The following FGF2 variants were observed in gnomAD, a reference collection of about 807,000 sequenced individuals.
The protein encoded by FGF2 is fibroblast growth factor 2.
A neutral mutation model predicts 15.9 loss-of-function variants in FGF2; 13 were observed. The observed-to-expected ratio is 0.82, with a 90% CI of 0.53 to 1.30. FGF2 has a LOEUF of 1.30. Among genes scored for constraint, FGF2 ranks in the 50% most tolerant of loss-of-function variants. FGF2 has a pLI of 0.00. For missense variants in FGF2, 163 were observed against 196.9 expected (o/e 0.83, Z 1.03); for synonymous variants, 90 against 78.4 (o/e 1.15, Z -0.78).
intron 1 of FGF2, among the ~76,000 whole-genome samples, chr4:122,841,580 T>G (rs2150766309): frequency 6.6e-6 from 1 of 152,348 alleles, no homozygotes; most frequent in Non-Finnish European, 1.5e-5. Flanking sequence ...GGAATTATGC[T>G]TTTCCTCTAA....
At chr4:122,883,366 C>T (rs17006269) in intron 2 of FGF2, 1 of 152,146 alleles carries the variant, frequency 6.6e-6, no homozygotes, top group African/African-American at 2.4e-5. Flanking sequence ...TAATGGTATG[C>T]ATGTTTTCAG....
chr4:122,861,534 C>T (rs1282974790), intron 1 of FGF2, among the ~76,000 whole-genome samples: 1 of 152,010 alleles, frequency 6.6e-6, no homozygotes, highest in African/African-American at 2.4e-5. Flanking sequence ...CCTTCCTTCT[C>T]CTCATAGCCC....
chr4:122,834,430 A>G (rs1195387796), intron 1 of FGF2, among the ~76,000 whole-genome samples: 1 of 152,096 alleles, frequency 6.6e-6, no homozygotes, highest in African/African-American at 2.4e-5. Flanking sequence ...AACTCTTTTA[A>G]ATTCTAGATT....
At chr4:122,879,942 C>A (rs1264659370) in intron 2 of FGF2, among the ~76,000 whole-genome samples, 2 of 152,128 alleles carry the variant, frequency 1.3e-5, no homozygotes, top group Non-Finnish European at 2.9e-5. Context: ...ATCATTCCAC[C>A]CCTGGCCCCT....
chr4:122,891,094 G>A (rs1392705035), intron 2 of FGF2, among the ~76,000 whole-genome samples: 1 of 145,884 alleles, frequency 6.9e-6, no homozygotes, highest in Non-Finnish European at 1.5e-5. Flanking sequence ...AGGTTGGAGT[G>A]CAGTGGCGCG....
At position 122,876,320 on chromosome 4, in the gene FGF2, G is replaced by A. The variant is rs1267401555; in HGVS notation, c.179-1G>A. On this transcript the variant is annotated splice_acceptor_variant, in intron 1 of 2. Transcript: ENST00000644866. LOFTEE classifies it high-confidence loss of function. Reference sequence around the variant, plus strand: ...AAAGATAATTTTTTTTCCCGTTACAGTCAAGCTACAACTTCAAGCAGAAGA... The same window carrying A: ...AAAGATAATTTTTTTTCCCGTTACAATCAAGCTACAACTTCAAGCAGAAGA... 1.0e-5 allele frequency: 16 copies of A among 1,598,970 alleles called. No individual in the cohort carries two copies. Among genetic ancestry groups the A allele is most frequent in the Admixed American group, 1.7e-5 (1 of 59,938 alleles).
chr4:122,827,131 C>A lies in FGF2; in HGVS notation c.-44C>A. Reference sequence around the variant, plus strand: ...GGCCGGGGGACGGCGGCTCCCCGCGCGGCTCCAGCGGCTCGGGGATCCCGG... The same window carrying A: ...GGCCGGGGGACGGCGGCTCCCCGCGAGGCTCCAGCGGCTCGGGGATCCCGG... On this transcript the variant is annotated 5_prime_UTR_variant, in exon 1 of 3. Transcript: ENST00000644866. The surrounding 1 kb of genome is among the most constrained non-coding windows in gnomAD (Gnocchi z 4.2). 2 of 1,302,852 alleles carry A rather than the reference C, an allele frequency of 1.5e-6. No homozygotes were observed. Among genetic ancestry groups the A allele is most frequent in the South Asian group, 2.4e-5 (1 of 42,486 alleles). The allele number at this position is 1,302,852 out of a possible 1,614,324, so 80.7% of individuals were successfully genotyped here.
chr4:122,829,048 CT>C (rs34959980), intron 1 of FGF2, among the ~76,000 whole-genome samples: 34,920 of 151,360 alleles, frequency 0.23, 5,686 homozygotes, highest in African/African-American at 0.45. Flanking sequence ...CCCTAATACT[CT>C]TTTTTTTTCA....
At chr4:122,879,086 A>G (rs1010424870) in intron 2 of FGF2, among the ~76,000 whole-genome samples, 2 of 152,180 alleles carry the variant, frequency 1.3e-5, no homozygotes, top group Non-Finnish European at 2.9e-5. Flanking sequence ...GGGGGAATGT[A>G]TGCAGTTTCC....
intron 1 of FGF2, among the ~76,000 whole-genome samples, chr4:122,842,135 C>G (rs1725996830): frequency 6.6e-6 from 1 of 152,182 alleles, no homozygotes; most frequent in South Asian, 2.1e-4. Flanking sequence ...GCACACAGTT[C>G]TGCTCTCTAG....
intron 1 of FGF2, among the ~76,000 whole-genome samples, chr4:122,871,430 C>G (rs1316494028): frequency 3.9e-5 from 6 of 152,062 alleles, no homozygotes; most frequent in Non-Finnish European, 7.4e-5. Context: ...AAGTCTCCCA[C>G]TATTATTTCA....
intron 2 of FGF2, among the ~76,000 whole-genome samples, chr4:122,885,420 C>T (rs995666190): frequency 2.6e-5 from 4 of 152,152 alleles, no homozygotes; most frequent in African/African-American, 9.7e-5. Flanking sequence ...CATAGTAGAG[C>T]ACAGGAATGC....
chr4:122,827,072 C>T lies in FGF2; in HGVS notation c.-103C>T, dbSNP rs1362230746. ...GGAGGCTGGGGGGCCGGGGCCGGGG[C>T]CGTGCCCCGGAGCGGGTCGGAGGCC... On this transcript the variant is annotated 5_prime_UTR_variant, in exon 1 of 3. Transcript: ENST00000644866. This position sits in a 1 kb window ranked among gnomAD's most constrained non-coding sequence, Gnocchi z 4.2. 6 of 1,123,368 alleles carry T rather than the reference C, an allele frequency of 5.3e-6. No homozygotes were observed. Among genetic ancestry groups the T allele is most frequent in the Non-Finnish European group, 6.5e-6 (6 of 919,784 alleles). 69.6% of individuals were successfully genotyped at this position (1,123,368 alleles called of 1,614,324 possible).
At position 122,857,225 on chromosome 4, in the gene FGF2, C is replaced by T. The variant is rs188524217; in HGVS notation, c.179-19096C>T. Among the ~76,000 whole-genome samples, 326 of 152,042 alleles carry T rather than the reference C, an allele frequency of 2.1e-3. 1 individual carries two copies. Among genetic ancestry groups the T allele is most frequent in the Non-Finnish European group, 3.7e-3 (252 of 67,988 alleles). On this transcript the variant is annotated intron_variant, in intron 1 of 2. Transcript: ENST00000644866. The stretch of plus-strand genomic sequence containing the variant: ...AGTGGCAGAGCATTTCTAGCCTTTC[C>T]GTGATGCTCAGATAGTCAGATAATG...
At chr4:122,839,488 A>G (rs749708371) in intron 1 of FGF2, among the ~76,000 whole-genome samples, 2 of 152,228 alleles carry the variant, frequency 1.3e-5, no homozygotes, top group Non-Finnish European at 2.9e-5. Context: ...AATAAAGACC[A>G]AGATAGATAA....
intron 1 of FGF2, among the ~76,000 whole-genome samples, chr4:122,850,724 C>T (rs1447464779): frequency 3.9e-5 from 6 of 152,068 alleles, no homozygotes; most frequent in African/African-American, 7.2e-5. Context: ...GGACTCTTAG[C>T]GCTCTCTTCA....
chr4:122,844,878 C>T (rs1459682867), intron 1 of FGF2, among the ~76,000 whole-genome samples: 4 of 152,160 alleles, frequency 2.6e-5, no homozygotes, highest in African/African-American at 9.7e-5. Flanking sequence ...CTCAAGCCAT[C>T]CTTCTGCCTT....
intron 1 of FGF2, among the ~76,000 whole-genome samples, chr4:122,841,228 T>G (rs934236110): frequency 6.6e-6 from 1 of 152,212 alleles, no homozygotes; most frequent in Non-Finnish European, 1.5e-5. Context: ...GCCACCCTCT[T>G]TGTTTAAACA....
At position 122,876,506 on chromosome 4, in the gene FGF2, T is replaced by G; in HGVS notation, c.282+82T>G. On this transcript the variant is annotated intron_variant, in intron 2 of 2. Coordinates refer to ENST00000644866, the MANE Select transcript of FGF2 (RefSeq NM_001361665.2). ...ACCAGCATTGTTGTTTATCAAATCT[T>G]TATAAAGGATTTTACGTGTATCATC... 7 of 878,004 alleles carry G rather than the reference T, an allele frequency of 8.0e-6. No homozygotes were observed. In the South Asian group the frequency reaches 9.6e-5, roughly 12 times the overall value. The allele number at this position is 878,004 out of a possible 1,614,324, so 54.4% of individuals were successfully genotyped here. A position where few individuals can be genotyped will look rare whatever the true frequency, so the allele number is the denominator to read the frequency against.
Sources: gnomAD v4.1 joint callset for allele counts (sites outside exome capture counted in the v4.1 genomes callset) on GRCh38, gnomAD v4.1.1 for gene constraint, Gnocchi (gnomAD v3.1) non-coding constraint, MANE v1.5 for transcripts, NCBI Gene and HGNC (gene_info 2026-07-23, HGNC 2026-07-21) for gene names.